The following PRR12 variants were observed in gnomAD, a reference collection of about 807,000 sequenced individuals.
The protein encoded by PRR12 is proline rich 12, also known as proline-rich protein 12.
In PRR12, 12 loss-of-function variants were observed where a neutral mutation model predicts 138.0. The observed-to-expected ratio is 0.09, with a 90% CI of 0.06 to 0.14. The LOEUF (loss-of-function observed/expected upper bound fraction) is 0.14, where lower values mean the gene tolerates loss of function less well. PRR12 is among the 10% of genes least tolerant of loss of function. The pLI is 1.00. For synonymous variants in PRR12, 1,567 were observed against 1,291.7 expected, an observed-to-expected ratio of 1.21 and a Z score of -4.57; for missense variants, 2,692 against 2,861.3, an observed-to-expected ratio of 0.94 and a Z score of 1.35.
chr19:49,624,714 G>A (rs1484088737), intron 11 of PRR12, 130 bp from the exon 12 acceptor site: 1 of 1,355,312 alleles, frequency 7.4e-7, no homozygotes, highest in Non-Finnish European at 9.9e-7. Context: ...TCTGTCCTTT[G>A]AGGAGACTCT....
intron 8 of PRR12, 57 bp from the exon 9 acceptor site, chr19:49,615,690 G>A: frequency 6.9e-7 from 1 of 1,451,374 alleles, no homozygotes; most frequent in South Asian, 1.2e-5. Context: ...GGGACCCTGA[G>A]GAGAATTTGG....
chr19:49,597,392 C>G lies in PRR12; in HGVS notation c.3057C>G (p.Pro1019=). Residue 1019 remains proline (P), a synonymous_variant, in exon 4 of 14, where the codon CCC becomes CCG. Transcript: ENST00000418929. The surrounding 1 kb of genome is among the most constrained non-coding windows in gnomAD (Gnocchi z 6.3). ...GLDPNKPPEL[P]STVNAEPLGL... is the part of the protein sequence containing the mutation. ...ACCCCAACAAACCGCCTGAACTGCC[C>G]TCCACGGTCAACGCCGAGCCGCTGG... 5.9e-6 allele frequency: 9 copies of G among 1,537,786 alleles called. No homozygotes were observed. The highest frequency in any genetic ancestry group is 7.8e-6 in the Non-Finnish European group (9 of 1,146,538).
At chr19:49,623,458 G>A (rs1460528482) in intron 11 of PRR12, among the ~76,000 whole-genome samples, 2 of 151,884 alleles carry the variant, frequency 1.3e-5, no homozygotes, top group South Asian at 2.1e-4. Flanking sequence ...GTGAAACCCC[G>A]TCTCTACTAA....
At chr19:49,600,463 G>A (rs976617531) in intron 5 of PRR12, among the ~76,000 whole-genome samples, 1 of 148,864 alleles carries the variant, frequency 6.7e-6, no homozygotes, top group African/African-American at 2.5e-5. Context: ...TTACAGGAGG[G>A]CACAGAGGGG....
chr19:49,591,838 C>A (rs1403598113), intron 1 of PRR12, 98 bp downstream of exon 1: 1 of 635,722 alleles, frequency 1.6e-6, no homozygotes. Flanking sequence ...ACGCGTGCAT[C>A]GCAAACTCCC....
At position 49,614,722 on chromosome 19, in the gene PRR12, T is replaced by C; in HGVS notation, c.4890+73T>C. The C allele has an allele frequency of 1.3e-6, 2 of 1,484,890 alleles. No homozygotes were observed. Among genetic ancestry groups the C allele is most frequent in the Non-Finnish European group, 1.8e-6 (2 of 1,091,242 alleles). 92.0% of individuals were successfully genotyped at this position (1,484,890 alleles called of 1,614,324 possible). ...ATCTAGGAGCTGGGGTTCCCCTTAG[T>C]GTGGCTGTGACTCACTCCACAGTGT... On this transcript the variant is annotated intron_variant, in intron 7 of 13. Transcript: ENST00000418929. This position sits in a 1 kb window ranked among gnomAD's most constrained non-coding sequence, Gnocchi z 5.0.
Position 49,596,931 on chromosome 19 carries a change from C to A in PRR12, c.2596C>A (p.Pro866Thr). The change falls in exon 4 of 14, where the codon CCC (proline) becomes ACC (threonine). Residue 866 changes from proline (P) to threonine (T), a missense_variant. By Grantham distance (38) the Pro-to-Thr change is conservative. Coordinates refer to ENST00000418929, the MANE Select transcript of PRR12 (RefSeq NM_020719.3). This position sits in a 1 kb window ranked among gnomAD's most constrained non-coding sequence, Gnocchi z 5.6. The part of the protein sequence containing the change: ...SHGLEPAAPS[P>T]RLRPEESLDP... Reference sequence around the variant, plus strand: ...TGGCCTGGAGCCCGCGGCCCCCAGCCCCCGCCTGCGACCCGAGGAGAGCCT... The same window carrying A: ...TGGCCTGGAGCCCGCGGCCCCCAGCACCCGCCTGCGACCCGAGGAGAGCCT... 6.5e-7 allele frequency: 1 copy of A among 1,549,290 alleles called. No individual in the cohort carries two copies.
At position 49,594,420 on chromosome 19, in the gene PRR12, C is replaced by T. The variant is rs561226245; in HGVS notation, c.200-34C>T. On this transcript the variant is annotated intron_variant, in intron 2 of 13. Transcript: ENST00000418929. This position sits in a 1 kb window ranked among gnomAD's most constrained non-coding sequence, Gnocchi z 5.6. ...CTCTTGACTGTATCCTACCCACCCCCACCTGGCTGACTATAACCCCTGTCC... is the reference window on the plus strand; with the variant it reads ...CTCTTGACTGTATCCTACCCACCCCTACCTGGCTGACTATAACCCCTGTCC... 2.0e-6 allele frequency: 3 copies of T among 1,522,224 alleles called. No homozygotes were observed. Among genetic ancestry groups the T allele is most frequent in the African/African-American group, 1.4e-5 (1 of 71,676 alleles). 94.3% of individuals were successfully genotyped at this position (1,522,224 alleles called of 1,614,324 possible).
Position 49,598,027 on chromosome 19 carries a change from G to A in PRR12, c.3678+14G>A. On this transcript the variant is annotated intron_variant, in intron 4 of 13. Coordinates refer to ENST00000418929, the MANE Select transcript of PRR12 (RefSeq NM_020719.3). ...AAGCCACTTAAGGTGAGGGGAAATGGGGTCTTGTAGGGGATAGGGGAGGAG... is the reference window on the plus strand; with the variant it reads ...AAGCCACTTAAGGTGAGGGGAAATGAGGTCTTGTAGGGGATAGGGGAGGAG... 2 of 1,346,610 alleles carry A rather than the reference G, an allele frequency of 1.5e-6. No homozygotes were observed. The highest frequency in any genetic ancestry group is 1.9e-6 in the Non-Finnish European group (2 of 1,050,338). 83.4% of individuals were successfully genotyped at this position (1,346,610 alleles called of 1,614,324 possible).
In PRR12 at chr19:49,597,733, C is replaced by T. The variant is rs367978963; in HGVS notation, c.3398C>T (p.Ala1133Val). ...GTCTCCAGCTGCCGCTCCCGTCCGG[C>T]CCTCTCGCCACTGGGGGACATCGAC... The part of the protein sequence containing the change: ...DLVSSCRSRP[A>V]LSPLGDIDFC... Residue 1133 changes from alanine to valine, a missense_variant, in exon 4 of 14, where the codon GCC becomes GTC. Physicochemically the swap from Ala to Val is moderately conservative, Grantham distance 64 (BLOSUM62 0). Coordinates refer to ENST00000418929, the MANE Select transcript of PRR12 (RefSeq NM_020719.3). The surrounding 1 kb of genome is among the most constrained non-coding windows in gnomAD (Gnocchi z 6.3). 8.8e-5 allele frequency: 142 copies of T among 1,608,300 alleles called. No individual in the cohort carries two copies. The Admixed American group carries it at 1.4e-3, about 16-fold the overall frequency.
chr19:49,606,553 TC>T (rs1226206155), intron 6 of PRR12, among the ~76,000 whole-genome samples: 14 of 146,108 alleles, frequency 9.6e-5, no homozygotes, highest in Admixed American at 5.5e-4. Flanking sequence ...TTGCGCCGCC[TC>T]CCCCGCCCCC....
At chr19:49,620,139 G>A (rs984173691) in intron 9 of PRR12, among the ~76,000 whole-genome samples, 1 of 152,190 alleles carries the variant, frequency 6.6e-6, no homozygotes, top group African/African-American at 2.4e-5. Context: ...GTGAGCCACT[G>A]TGCCTGGCCT....
intron 6 of PRR12, among the ~76,000 whole-genome samples, chr19:49,607,361 G>GCGCGCACACACA (rs1555742564): frequency 2.0e-5 from 3 of 147,760 alleles, no homozygotes; most frequent in Non-Finnish European, 4.5e-5. Flanking sequence ...ATGTACGTGT[G>GCGCGCACACACA]CACACACACA....
In PRR12 at chr19:49,597,015, C is replaced by A; in HGVS notation, c.2680C>A (p.Pro894Thr). The A allele has an allele frequency of 6.4e-7, 1 of 1,557,632 alleles. No individual in the cohort carries two copies. Among genetic ancestry groups the A allele is most frequent in the Non-Finnish European group, 8.7e-7 (1 of 1,153,380 alleles). Reference protein sequence around the residue: ...LGALEPLPPAPGDTGVGPPNS... With the variant: ...LGALEPLPPATGDTGVGPPNS... ...GGCTCTGGAGCCGCTGCCCCCGGCG[C>A]CTGGGGATACTGGCGTAGGCCCACC... The change falls in exon 4 of 14, where the codon CCT becomes ACT. Residue 894 changes from proline to threonine, a missense_variant. By Grantham distance (38) the Pro-to-Thr change is conservative (BLOSUM62 -1). Coordinates refer to ENST00000418929, the MANE Select transcript of PRR12 (RefSeq NM_020719.3). The surrounding 1 kb of genome is among the most constrained non-coding windows in gnomAD (Gnocchi z 6.3).
At chr19:49,621,846 TG>T (rs2080925201) in intron 11 of PRR12, 1 of 559,100 alleles carries the variant, frequency 1.8e-6, no homozygotes, top group East Asian at 2.9e-5. Context: ...AGCAGAGGGG[TG>T]GTTGTGAAAG....
intron 6 of PRR12, among the ~76,000 whole-genome samples, chr19:49,612,740 C>T (rs888545098): frequency 7.9e-5 from 12 of 152,078 alleles, no homozygotes; most frequent in African/African-American, 2.9e-4. Flanking sequence ...TCTCAGCTCA[C>T]TGCAACCTCC....
In PRR12 at chr19:49,625,628, G is replaced by C; in HGVS notation, c.*21G>C. 6.3e-7 allele frequency: 1 copy of C among 1,582,192 alleles called. No homozygotes were observed. The highest frequency in any genetic ancestry group is 8.6e-7 in the Non-Finnish European group (1 of 1,163,288). Reference sequence around the variant, plus strand: ...GGTGACCCCGCCCCAGCTTGTGAGGGGGGCGCCTCCTCCATGAACCGAGAA... The same window carrying C: ...GGTGACCCCGCCCCAGCTTGTGAGGCGGGCGCCTCCTCCATGAACCGAGAA... On this transcript the variant is annotated 3_prime_UTR_variant, in exon 14 of 14. Transcript: ENST00000418929. The surrounding 1 kb of genome is among the most constrained non-coding windows in gnomAD (Gnocchi z 5.5).
chr19:49,597,614 G>T lies in PRR12; in HGVS notation c.3279G>T (p.Lys1093Asn). 1 of 1,610,044 alleles carries T rather than the reference G, an allele frequency of 6.2e-7. No individual in the cohort carries two copies. Among genetic ancestry groups the T allele is most frequent in the Non-Finnish European group, 8.5e-7 (1 of 1,178,910 alleles). The change falls in exon 4 of 14, where the codon AAG becomes AAT. Residue 1093 changes from lysine (K) to asparagine (N), a missense_variant. Transcript: ENST00000418929. This position sits in a 1 kb window ranked among gnomAD's most constrained non-coding sequence, Gnocchi z 6.3. ...RRDPPFQTPK[K>N]LYAQEYEFEA... is the part of the protein sequence containing the mutation. ...ACCCACCCTTCCAGACCCCCAAGAA[G>T]CTGTACGCCCAGGAGTACGAGTTCG...
rs773314197 is a variant in PRR12 at position 49,596,746 on chromosome 19, C to T, written c.2411C>T (p.Ser804Leu). The change falls in exon 4 of 14, where the codon TCG becomes TTG. Residue 804 changes from serine (S) to leucine (L), a missense_variant. Coordinates refer to ENST00000418929, the MANE Select transcript of PRR12 (RefSeq NM_020719.3). The surrounding 1 kb of genome is among the most constrained non-coding windows in gnomAD (Gnocchi z 5.6). ...LPPPPPQLLP[S>L]VLSHAPSPSP... ...CCGCCTCCCCCCCAGCTGCTCCCCT[C>T]GGTCCTCAGCCATGCCCCCAGTCCC... 6.2e-6 allele frequency: 10 copies of T among 1,604,192 alleles called. No homozygotes were observed. Among genetic ancestry groups the T allele is most frequent in the Middle Eastern group, 2.0e-4 (1 of 5,070 alleles).
Sources: gnomAD v4.1 joint callset for allele counts (sites outside exome capture counted in the v4.1 genomes callset) on GRCh38, gnomAD v4.1.1 for gene constraint, Gnocchi (gnomAD v3.1) non-coding constraint, MANE v1.5 for transcripts, NCBI Gene and HGNC (gene_info 2026-07-23, HGNC 2026-07-21) for gene names.